The following ABCA8 variants were observed in gnomAD, a reference collection of about 807,000 sequenced individuals.
ABCA8 encodes ATP binding cassette subfamily A member 8, also known as ABC-type organic anion transporter ABCA8.
In ABCA8, 177 loss-of-function variants were observed where a neutral mutation model predicts 192.3. The observed-to-expected ratio is 0.92, with a 90% confidence interval of 0.81 to 1.04. ABCA8 has a LOEUF of 1.04. ABCA8 is among the 50% of genes least tolerant of loss of function. The pLI is 0.00. For synonymous variants in ABCA8, 642 were observed against 690.2 expected (o/e 0.93, Z 1.09); for missense variants, 1,915 against 1,904.8 (o/e 1.01, Z -0.10).
At position 68,868,129 on chromosome 17, in the gene ABCA8, C is replaced by T. The variant is rs1237293335; in HGVS notation, c.4822G>A (p.Asp1608Asn). 1.2e-6 allele frequency: 2 copies of T among 1,613,164 alleles called. No homozygotes were observed. The highest frequency in any genetic ancestry group is 2.7e-5 in the African/African-American group (2 of 74,988). ...QELGDFEEDF[D>N]PSVKWKLLPQ... ...AGGAGCTTCCACTTCACTGAGGGAT[C>T]AAAATCCTCCTCAAAATCACCCAGC... Residue 1608 changes from aspartate to asparagine, a missense_variant, in exon 40 of 40, where the codon GAT (aspartate) becomes AAT (asparagine). Asp to Asn is a conservative substitution (Grantham distance 23). Transcript: ENST00000586539.
intron 37 of ABCA8, 80 bp downstream of exon 37, chr17:68,875,180 T>C: frequency 6.4e-7 from 1 of 1,562,688 alleles, no homozygotes; most frequent in Non-Finnish European, 8.7e-7. Context: ...AGGTTTTCCT[T>C]TTGAATGACT....
intron 32 of ABCA8, 85 bp downstream of exon 32, chr17:68,881,035 A>T: frequency 1.1e-6 from 1 of 911,370 alleles, no homozygotes; most frequent in Non-Finnish European, 1.8e-6. Flanking sequence ...ATAAGGATTA[A>T]GTGGAATCTG....
chr17:68,929,840 T>A, intron 7 of ABCA8, 138 bp from the exon 8 acceptor site: 1 of 793,702 alleles, frequency 1.3e-6, no homozygotes, highest in Non-Finnish European at 1.9e-6. Flanking sequence ...TTGGGTGTTC[T>A]AAGATATATA....
At chr17:68,906,511 T>C (rs2143516349) in intron 18 of ABCA8, among the ~76,000 whole-genome samples, 1 of 152,272 alleles carries the variant, frequency 6.6e-6, no homozygotes, top group South Asian at 2.1e-4. Flanking sequence ...GAAAAGTCTT[T>C]TCTAGAGAAC....
At chr17:68,954,850 C>A (rs1770379943) in intron 1 of ABCA8, among the ~76,000 whole-genome samples, 1 of 152,112 alleles carries the variant, frequency 6.6e-6, no homozygotes. Context: ...AAGTAGATAA[C>A]TTTAACTTCA....
At position 68,880,954 on chromosome 17, in the gene ABCA8, G is replaced by T. The variant is rs542276291; in HGVS notation, c.4038+166C>A. The T allele has an allele frequency of 3.0e-5, 19 of 633,832 alleles. No homozygotes were observed. In the Admixed American group the frequency reaches 3.5e-4, roughly 12 times the overall value. 39.3% of individuals were successfully genotyped at this position (633,832 alleles called of 1,614,324 possible). ...TTCTGTGACAACCTTTCAGTGCTTA[G>T]CTTTTGTGTGCATTTATGTGATAAT... On this transcript the variant is annotated intron_variant, in intron 32 of 39. Transcript: ENST00000586539.
At chr17:68,884,974 C>T in intron 27 of ABCA8, 1 of 631,182 alleles carries the variant, frequency 1.6e-6, no homozygotes, top group Non-Finnish European at 2.0e-6. Context: ...TCCCACTACC[C>T]CTTACCCTTC....
At chr17:68,945,354 T>C (rs1363540012) in intron 2 of ABCA8, among the ~76,000 whole-genome samples, 2 of 152,170 alleles carry the variant, frequency 1.3e-5, no homozygotes, top group Non-Finnish European at 2.9e-5. Flanking sequence ...TCATACCTAT[T>C]TGCAGGAGTT....
At chr17:68,907,625 T>A in intron 18 of ABCA8, 115 bp downstream of exon 18, 1 of 922,114 alleles carries the variant, frequency 1.1e-6, no homozygotes. Flanking sequence ...TTTGATTATG[T>A]TTCAGTACCT....
chr17:68,942,695 G>A (rs1363309238), intron 2 of ABCA8, among the ~76,000 whole-genome samples: 1 of 151,894 alleles, frequency 6.6e-6, no homozygotes, highest in African/African-American at 2.4e-5. Context: ...CCATTCGGTG[G>A]GTTTCAACCA....
At chr17:68,904,175 G>A (rs768893283) in intron 19 of ABCA8, among the ~76,000 whole-genome samples, 68 of 151,850 alleles carry the variant, frequency 4.5e-4, no homozygotes, top group Admixed American at 9.2e-4. Context: ...GCAGCTACTC[G>A]GGAAGCTGAG....
chr17:68,925,533 TTCA>T (rs2067672872), intron 10 of ABCA8, among the ~76,000 whole-genome samples: 1 of 152,230 alleles, frequency 6.6e-6, no homozygotes, highest in Non-Finnish European at 1.5e-5. Context: ...TCTGTTTTTC[TTCA>T]TATTAGGAAA....
At chr17:68,893,584 T>TTTCCTTCCTTCATTCATTCGTTCA (rs1486012065) in intron 23 of ABCA8, among the ~76,000 whole-genome samples, 45 of 149,526 alleles carry the variant, frequency 3.0e-4, no homozygotes, top group African/African-American at 1.1e-3. Flanking sequence ...TCCTTTGTTC[T>TTTCCTTCCTTCATTCATTCGTTCA]TTCCTTCCTT....
At position 68,883,883 on chromosome 17, in the gene ABCA8, C is replaced by T. The variant is rs770562285; in HGVS notation, c.3616-1G>A. On this transcript the variant is annotated splice_acceptor_variant, in intron 28 of 39. Coordinates refer to ENST00000586539, the MANE Select transcript of ABCA8 (RefSeq NM_001288985.2). LOFTEE classifies it high-confidence loss of function. ...GAAAAATGATAAAATGAAGGAAAGG[C>T]TAGGAATAAAGAGAGATGCACAATT... The T allele has an allele frequency of 1.0e-5, 16 of 1,554,458 alleles. No individual in the cohort carries two copies. In the South Asian group the frequency reaches 1.8e-4, roughly 17 times the overall value.
At chr17:68,921,521 G>T in intron 12 of ABCA8, 29 bp from the exon 13 acceptor site, 1 of 1,469,152 alleles carries the variant, frequency 6.8e-7, no homozygotes. Flanking sequence ...AGGAAAGAAA[G>T]ATAAGATAAA....
chr17:68,883,340 C>T lies in ABCA8; in HGVS notation c.3707+451G>A, dbSNP rs148343875. On this transcript the variant is annotated intron_variant, in intron 29 of 39. Coordinates refer to ENST00000586539, the MANE Select transcript of ABCA8 (RefSeq NM_001288985.2). The stretch of plus-strand genomic sequence containing the variant: ...ATGGTCACTCTTCTTTGTATGGTGC[C>T]GAAAATAGTCTCAGCTTTTAAGTCC... 1.1e-3 allele frequency among the ~76,000 whole-genome samples: 160 copies of T among 152,224 alleles called. 1 individual carries two copies. Among genetic ancestry groups the T allele is most frequent in the African/African-American group, 3.4e-3 (142 of 41,538 alleles).
At chr17:68,944,318 ATATATATATATATATATAT>A (rs1567886094) in intron 2 of ABCA8, among the ~76,000 whole-genome samples, 6,507 of 55,050 alleles carry the variant, frequency 0.12, 982 homozygotes, top group African/African-American at 0.31. Flanking sequence ...ACTTAAAGTT[ATATATATATATATATATAT>A]ATATATATAT....
chr17:68,919,742 T>C (rs1403653068), intron 13 of ABCA8: 1 of 241,268 alleles, frequency 4.1e-6, no homozygotes, highest in Non-Finnish European at 8.0e-6. Flanking sequence ...AAGCAGAGTC[T>C]GATGAAGAGC....
At chr17:68,895,729 G>C (rs2066734960) in intron 21 of ABCA8, among the ~76,000 whole-genome samples, 1 of 152,164 alleles carries the variant, frequency 6.6e-6, no homozygotes, top group African/African-American at 2.4e-5. Flanking sequence ...ATCTTCACGG[G>C]AGGGGCTTCC....
Sources: gnomAD v4.1 joint callset for allele counts (sites outside exome capture counted in the v4.1 genomes callset) on GRCh38, gnomAD v4.1.1 for gene constraint, MANE v1.5 for transcripts, NCBI Gene and HGNC (gene_info 2026-07-23, HGNC 2026-07-21) for gene names.